The following KSR1 variants were observed in gnomAD, a reference collection of about 807,000 sequenced individuals.
The protein encoded by KSR1 is kinase suppressor of ras.
A neutral mutation model predicts 92.9 loss-of-function variants in KSR1; 35 were observed. That is an observed-to-expected ratio of 0.38 (90% CI 0.29 to 0.50). The LOEUF is 0.50. Among genes scored for constraint, KSR1 ranks in the 20% least tolerant of loss-of-function variants. The pLI, the probability that KSR1 is intolerant of heterozygous loss-of-function variation, is 0.94. For synonymous variants in KSR1, 467 were observed against 472.6 expected (o/e 0.99, Z 0.15); for missense variants, 972 against 1,158.5 (o/e 0.84, Z 2.34).
At chr17:27,579,714 A>G (rs2072662299) in intron 3 of KSR1, 1 of 151,818 alleles carries the variant, frequency 6.6e-6, no homozygotes, top group Non-Finnish European at 1.5e-5. Flanking sequence ...TGTTTCTACA[A>G]AAAATACAAA....
chr17:27,574,677 G>A (rs1466825108), intron 2 of KSR1, among the ~76,000 whole-genome samples: 3 of 152,172 alleles, frequency 2.0e-5, no homozygotes, highest in Non-Finnish European at 4.4e-5. Flanking sequence ...TAGTTTTGAC[G>A]CTTGAGACAA....
At chr17:27,598,701 G>A (rs1271207993) in intron 10 of KSR1, among the ~76,000 whole-genome samples, 1 of 152,170 alleles carries the variant, frequency 6.6e-6, no homozygotes, top group African/African-American at 2.4e-5. Flanking sequence ...TTTGGAACAC[G>A]GCAGTCACAG....
chr17:27,526,046 C>CTTTTCTTTTCTTTTCTT (rs1555576231), intron 1 of KSR1, among the ~76,000 whole-genome samples: 5,154 of 59,362 alleles, frequency 0.087, 278 homozygotes, highest in East Asian at 0.19. Flanking sequence ...TCTTTTCTTT[C>CTTTTCTTTTCTTTTCTT]TCTCTCTCTC....
intron 1 of KSR1, among the ~76,000 whole-genome samples, chr17:27,507,967 T>C (rs971049805): frequency 2.0e-5 from 3 of 152,180 alleles, no homozygotes; most frequent in Non-Finnish European, 2.9e-5. Flanking sequence ...GCTGCTGTCC[T>C]GCCCTAGAAG....
chr17:27,605,946 G>A lies in KSR1; in HGVS notation c.1994+133G>A, dbSNP rs1181249340. On this transcript the variant is annotated intron_variant, in intron 14 of 20. Transcript: ENST00000644974. ...CATAAAGAAGAAAACCAAAAATGGG[G>A]TATAACTTCCTAATCACATAACCGC... 7 of 1,092,800 alleles carry A rather than the reference G, an allele frequency of 6.4e-6. No homozygotes were observed. The Admixed American group carries it at 8.2e-5, about 13-fold the overall frequency. 67.7% of individuals were successfully genotyped at this position (1,092,800 alleles called of 1,614,324 possible).
At chr17:27,579,002 C>T (rs2072634713) in intron 3 of KSR1, 1 of 152,204 alleles carries the variant, frequency 6.6e-6, no homozygotes, top group Non-Finnish European at 1.5e-5. Flanking sequence ...GTTTCTTGTT[C>T]AGAGGGTGCT....
chr17:27,596,318 A>T (rs2073343913), intron 9 of KSR1, among the ~76,000 whole-genome samples: 1 of 152,220 alleles, frequency 6.6e-6, no homozygotes, highest in Non-Finnish European at 1.5e-5. Flanking sequence ...TCTCAGGCAG[A>T]GCAAGATAGG....
intron 10 of KSR1, among the ~76,000 whole-genome samples, chr17:27,597,924 G>T (rs1312970754): frequency 6.6e-6 from 1 of 152,196 alleles, no homozygotes; most frequent in Non-Finnish European, 1.5e-5. Flanking sequence ...TATAAGATAG[G>T]TGACCATGTA....
Position 27,577,696 on chromosome 17 carries a change from C to A in KSR1, c.520+57C>A. The A allele has an allele frequency of 7.2e-7, 1 of 1,388,320 alleles. No individual in the cohort carries two copies. Among genetic ancestry groups the A allele is most frequent in the Non-Finnish European group, 9.9e-7 (1 of 1,011,750 alleles). 86.0% of individuals were successfully genotyped at this position (1,388,320 alleles called of 1,614,324 possible). ...TGGCCTGGTGCCCTTGGGGCTGTGG[C>A]CTTCACTATGGTGGGTGATGGAGCG... On this transcript the variant is annotated intron_variant, in intron 3 of 20. Transcript: ENST00000644974. This position sits in a 1 kb window ranked among gnomAD's most constrained non-coding sequence, Gnocchi z 4.5.
intron 1 of KSR1, among the ~76,000 whole-genome samples, chr17:27,519,557 T>C (rs2069938224): frequency 6.6e-6 from 1 of 152,200 alleles, no homozygotes; most frequent in Non-Finnish European, 1.5e-5. Flanking sequence ...TGAGTGGTGA[T>C]GGTCAGTCAG....
chr17:27,614,731 TTAG>T (rs1470258196), intron 18 of KSR1, among the ~76,000 whole-genome samples: 1 of 152,228 alleles, frequency 6.6e-6, no homozygotes, highest in Non-Finnish European at 1.5e-5. Flanking sequence ...AGGATTTCTT[TTAG>T]TGCGGGGTGA....
At chr17:27,614,878 A>C (rs1233035488) in intron 18 of KSR1, among the ~76,000 whole-genome samples, 1 of 152,060 alleles carries the variant, frequency 6.6e-6, no homozygotes, top group Non-Finnish European at 1.5e-5. Flanking sequence ...ACACATTGCT[A>C]TTAGGGGTAG....
chr17:27,553,553 G>A (rs1199473467), intron 2 of KSR1, among the ~76,000 whole-genome samples: 2 of 152,202 alleles, frequency 1.3e-5, no homozygotes, highest in African/African-American at 4.8e-5. Context: ...TGGATGGGGA[G>A]CAGGAGGGCA....
chr17:27,553,584 C>CT (rs1399061345), intron 2 of KSR1, among the ~76,000 whole-genome samples: 1 of 152,202 alleles, frequency 6.6e-6, no homozygotes, highest in Non-Finnish European at 1.5e-5. Flanking sequence ...CAGGAGCCTG[C>CT]TGGAGGTACC....
rs1454872174 is a variant in KSR1 at position 27,611,648 on chromosome 17, G to A, written c.2493+19G>A. 7.4e-6 allele frequency: 12 copies of A among 1,613,418 alleles called. No individual in the cohort carries two copies. Among genetic ancestry groups the A allele is most frequent in the African/African-American group, 1.3e-5 (1 of 74,924 alleles). ...AGTCAGTGTAAGTAGTACCTGCCCT[G>A]GGTGGAGCAGTAGGGCTGGAGGTGG... On this transcript the variant is annotated intron_variant, in intron 18 of 20. Transcript: ENST00000644974.
At chr17:27,610,977 C>T (rs535504755) in intron 17 of KSR1, among the ~76,000 whole-genome samples, 38 of 152,118 alleles carry the variant, frequency 2.5e-4, no homozygotes, top group Non-Finnish European at 1.2e-4. Context: ...GCCAAGGGGA[C>T]GTAGAGAGGC....
chr17:27,599,214 T>C (rs2073457421), intron 10 of KSR1, among the ~76,000 whole-genome samples: 1 of 152,254 alleles, frequency 6.6e-6, no homozygotes, highest in Non-Finnish European at 1.5e-5. Flanking sequence ...AATATTTGTG[T>C]ATCTAAACAT....
At chr17:27,483,122 A>AT (rs965819357) in intron 1 of KSR1, among the ~76,000 whole-genome samples, 27 of 150,886 alleles carry the variant, frequency 1.8e-4, no homozygotes, top group African/African-American at 4.6e-4. Context: ...AAAAAAATAG[A>AT]TTTTTTTTTT....
intron 10 of KSR1, among the ~76,000 whole-genome samples, chr17:27,601,008 G>A (rs553124087): frequency 1.1e-4 from 16 of 152,290 alleles, no homozygotes; most frequent in East Asian, 9.6e-4. Flanking sequence ...CCATTCTTCC[G>A]TACATAACAC....
Sources: allele counts gnomAD v4.1 joint callset (sites outside exome capture counted in the v4.1 genomes callset), GRCh38; gene constraint gnomAD v4.1.1; non-coding constraint Gnocchi (gnomAD v3.1); transcripts MANE v1.5; gene names NCBI Gene and HGNC (gene_info 2026-07-23, HGNC 2026-07-21).